Variants in C9 observed in about 807,000 individuals in gnomAD.
C9 encodes complement component C9.
C9 carries 63 observed loss-of-function variants against 65.4 expected under a neutral mutation model. The observed-to-expected ratio is 0.96, with a 90% CI of 0.79 to 1.19. C9 has a LOEUF of 1.19. C9 is among the 50% of genes most tolerant of loss of function. The pLI is 0.00. For missense variants in C9, 744 were observed against 670.1 expected (o/e 1.11, Z -1.22); for synonymous variants, 229 against 227.9 (o/e 1.00, Z -0.04).
chr5:39,306,413 G>A (rs79665438), intron 9 of C9, among the ~76,000 whole-genome samples: 7,271 of 152,172 alleles, frequency 0.048, 253 homozygotes, highest in Admixed American at 0.13. Context: ...CACATAGTGA[G>A]AGACAGAGAC....
intron 8 of C9, among the ~76,000 whole-genome samples, chr5:39,307,705 T>C (rs1753406005): frequency 6.6e-6 from 1 of 152,208 alleles, no homozygotes; most frequent in Admixed American, 6.5e-5. Flanking sequence ...AATTCATGCT[T>C]GTAAATCTGC....
At chr5:39,320,339 C>T (rs28877878) in intron 5 of C9, among the ~76,000 whole-genome samples, 4,487 of 151,946 alleles carry the variant, frequency 0.03, 202 homozygotes, top group African/African-American at 0.1. Context: ...ACACAAACAA[C>T]CAAATTTAGG....
Position 39,341,547 on chromosome 5 carries a change from A to T in C9, c.328+9T>A, listed in dbSNP as rs1486244888. On this transcript the variant is annotated intron_variant, in intron 3 of 10. Coordinates refer to ENST00000263408, the MANE Select transcript of C9 (RefSeq NM_001737.5). ...AAGCCACAATGAGCAATTCAAGCACAAAGATTACCTGTACTGCATTGAAAG... is the reference window on the plus strand; with the variant it reads ...AAGCCACAATGAGCAATTCAAGCACTAAGATTACCTGTACTGCATTGAAAG... 1.9e-6 allele frequency: 3 copies of T among 1,613,716 alleles called. No homozygotes were observed. Among genetic ancestry groups the T allele is most frequent in the Admixed American group, 3.3e-5 (2 of 59,994 alleles).
At chr5:39,354,065 A>G (rs1362684454) in intron 1 of C9, among the ~76,000 whole-genome samples, 3 of 152,204 alleles carry the variant, frequency 2.0e-5, no homozygotes, top group Non-Finnish European at 4.4e-5. Flanking sequence ...ACCTTCCAGA[A>G]TATCTGGAGG....
At chr5:39,332,425 A>AT (rs562855565) in intron 4 of C9, among the ~76,000 whole-genome samples, 16 of 152,274 alleles carry the variant, frequency 1.1e-4, no homozygotes, top group African/African-American at 3.1e-4. Flanking sequence ...CAAAAGTTCT[A>AT]TTTTTTCCCA....
At chr5:39,329,304 C>T (rs1031967715) in intron 5 of C9, among the ~76,000 whole-genome samples, 16 of 152,148 alleles carry the variant, frequency 1.1e-4, no homozygotes, top group Non-Finnish European at 2.9e-5. Flanking sequence ...TAATTATACT[C>T]TAAAATGAAT....
intron 1 of C9, among the ~76,000 whole-genome samples, chr5:39,345,411 C>A (rs911120402): frequency 1.3e-5 from 2 of 152,070 alleles, no homozygotes; most frequent in African/African-American, 2.4e-5. Context: ...CAAAAAAGAT[C>A]AAAAGAGACA....
intron 1 of C9, among the ~76,000 whole-genome samples, chr5:39,362,894 C>G (rs1754546389): frequency 6.6e-6 from 1 of 152,006 alleles, no homozygotes; most frequent in Non-Finnish European, 1.5e-5. Flanking sequence ...AATGGGAGCC[C>G]ACGAAACCAA....
chr5:39,312,782 A>C (rs1386634291), intron 6 of C9, among the ~76,000 whole-genome samples: 1 of 152,092 alleles, frequency 6.6e-6, no homozygotes, highest in Non-Finnish European at 1.5e-5. Context: ...AAAATATTTT[A>C]TTTCTTTTTA....
At chr5:39,332,709 A>C (rs902855659) in intron 4 of C9, among the ~76,000 whole-genome samples, 5 of 152,200 alleles carry the variant, frequency 3.3e-5, no homozygotes, top group African/African-American at 1.2e-4. Flanking sequence ...AAACTCTTCC[A>C]TTGCCCTAGG....
intron 1 of C9, among the ~76,000 whole-genome samples, chr5:39,346,372 A>G (rs1273255885): frequency 6.6e-6 from 1 of 152,228 alleles, no homozygotes; most frequent in African/African-American, 2.4e-5. Context: ...ACAAACTACC[A>G]TCAGAGAATA....
intron 4 of C9, among the ~76,000 whole-genome samples, chr5:39,333,957 C>A (rs112542644): frequency 1.3e-5 from 2 of 152,162 alleles, no homozygotes; most frequent in Admixed American, 6.5e-5. Context: ...GATCTCGGCT[C>A]GCTGCAGCCT....
At chr5:39,319,966 GA>G (rs370306828) in intron 5 of C9, among the ~76,000 whole-genome samples, 1 of 152,266 alleles carries the variant, frequency 6.6e-6, no homozygotes, top group African/African-American at 2.4e-5. Context: ...CCTGCTTGTG[GA>G]CCATGCCAGA....
Position 39,345,180 on chromosome 5 carries a change from T to A in C9, c.78-2984A>T, listed in dbSNP as rs568725216. On this transcript the variant is annotated intron_variant, in intron 1 of 10. Coordinates refer to ENST00000263408, the MANE Select transcript of C9 (RefSeq NM_001737.5). ...AAATTCACACATAACAATATTAACCTTAAATGCAAAATGGGCTAAATGCGC... is the reference window on the plus strand; with the variant it reads ...AAATTCACACATAACAATATTAACCATAAATGCAAAATGGGCTAAATGCGC... 3.5e-4 allele frequency among the ~76,000 whole-genome samples: 54 copies of A among 152,168 alleles called. No individual in the cohort carries two copies. The South Asian group carries it at 0.01, about 29-fold the overall frequency.
chr5:39,336,891 T>TTACC (rs1375611280), intron 4 of C9, among the ~76,000 whole-genome samples: 2 of 152,028 alleles, frequency 1.3e-5, no homozygotes, highest in East Asian at 3.8e-4. Context: ...GTTGATTAGG[T>TTACC]AATCTTTCAG....
chr5:39,361,728 T>C (rs1408255613), intron 1 of C9, among the ~76,000 whole-genome samples: 1 of 152,208 alleles, frequency 6.6e-6, no homozygotes, highest in Non-Finnish European at 1.5e-5. Flanking sequence ...ATTGATGCTC[T>C]ACCTTGAGAA....
intron 5 of C9, 79 bp from the exon 6 acceptor site, chr5:39,316,108 A>G (rs920161254): frequency 8.1e-7 from 1 of 1,229,496 alleles, no homozygotes; most frequent in Non-Finnish European, 1.2e-6. Flanking sequence ...ACCAAAGAGA[A>G]GTCAAACAAT....
chr5:39,355,971 C>A (rs1561356535), intron 1 of C9, among the ~76,000 whole-genome samples: 1 of 152,144 alleles, frequency 6.6e-6, no homozygotes. Flanking sequence ...ACTGAATATA[C>A]AGTCACATTA....
intron 1 of C9, among the ~76,000 whole-genome samples, chr5:39,343,874 A>G (rs529422): frequency 0.95 from 144,317 of 152,164 alleles, 68,583 homozygotes; most frequent in Non-Finnish European, 0.98. Context: ...AGCAAAATTC[A>G]CTGTTCTGCA....
Sources: gnomAD v4.1 joint callset for allele counts (sites outside exome capture counted in the v4.1 genomes callset) on GRCh38, gnomAD v4.1.1 for gene constraint, MANE v1.5 for transcripts, NCBI Gene and HGNC (gene_info 2026-07-23, HGNC 2026-07-21) for gene names.